Variants in AP1S3 observed in about 807,000 individuals in gnomAD.
The protein encoded by AP1S3 is AP-1 complex subunit sigma-3.
In AP1S3, 10 loss-of-function variants were observed where a neutral mutation model predicts 20.9. The observed-to-expected ratio is 0.48, with a 90% CI of 0.29 to 0.81. AP1S3 has a LOEUF of 0.81. Ranked by LOEUF, AP1S3 falls within the 30% of genes least tolerant of loss-of-function variation. The pLI is 0.08. For missense variants in AP1S3, 154 were observed against 183.8 expected (o/e 0.84, Z 0.94); for synonymous variants, 41 against 61.5 (o/e 0.67, Z 1.56).
intron 1 of AP1S3, among the ~76,000 whole-genome samples, chr2:223,822,692 T>A (rs1020705975): frequency 4.6e-5 from 7 of 151,730 alleles, no homozygotes; most frequent in Non-Finnish European, 8.8e-5. Context: ...CTCAAAAAAA[T>A]AAATAAAGTA....
chr2:223,778,785 C>G (rs113828598), intron 1 of AP1S3, among the ~76,000 whole-genome samples: 2 of 151,804 alleles, frequency 1.3e-5, no homozygotes, highest in Non-Finnish European at 2.9e-5. Flanking sequence ...CAACCTCCCC[C>G]TCCCAGGTTC....
chr2:223,825,029 G>A (rs1054094141), intron 1 of AP1S3, among the ~76,000 whole-genome samples: 3 of 152,022 alleles, frequency 2.0e-5, no homozygotes, highest in African/African-American at 7.2e-5. Flanking sequence ...CAGTTCCTCG[G>A]CCGGGCTCGG....
In AP1S3 at chr2:223,773,687, C is replaced by T. The variant is rs558064872; in HGVS notation, c.291+2214G>A. On this transcript the variant is annotated intron_variant, in intron 3 of 4. Coordinates refer to ENST00000396654, the MANE Select transcript of AP1S3 (RefSeq NM_001039569.2). ...AAGTGTTGCAACAAATCTGATAAAA[C>T]GTGTTCAATATTGCAAATACTGCTC... Among the ~76,000 whole-genome samples the T allele has an allele frequency of 7.2e-5, 11 of 152,036 alleles. No homozygotes were observed. The South Asian group carries it at 1.0e-3, about 14-fold the overall frequency.
chr2:223,774,171 C>T (rs533328623), intron 3 of AP1S3, among the ~76,000 whole-genome samples: 78 of 152,224 alleles, frequency 5.1e-4, no homozygotes, highest in African/African-American at 1.8e-3. Context: ...TCAAGACTAG[C>T]CTGGCCAACA....
intron 1 of AP1S3, among the ~76,000 whole-genome samples, chr2:223,806,896 G>C (rs1691595824): frequency 6.6e-6 from 1 of 151,506 alleles, no homozygotes; most frequent in South Asian, 2.1e-4. Flanking sequence ...CTACATTTCT[G>C]TTTTTTTTCT....
intron 1 of AP1S3, among the ~76,000 whole-genome samples, chr2:223,807,256 G>A (rs1240164420): frequency 1.3e-5 from 2 of 152,134 alleles, no homozygotes; most frequent in Non-Finnish European, 2.9e-5. Flanking sequence ...GACAGAGTAA[G>A]ACCCTGTCTC....
chr2:223,797,983 G>T (rs371695541), intron 1 of AP1S3, among the ~76,000 whole-genome samples: 9 of 152,094 alleles, frequency 5.9e-5, no homozygotes, highest in East Asian at 1.9e-4. Context: ...CCTATTTGAG[G>T]AAGTGGTCCT....
intron 1 of AP1S3, among the ~76,000 whole-genome samples, chr2:223,824,051 G>A (rs941590515): frequency 6.6e-6 from 1 of 152,150 alleles, no homozygotes; most frequent in Admixed American, 6.6e-5. Context: ...GAGCGCAGTG[G>A]TGTGATCATG....
Position 223,775,941 on chromosome 2 carries a change from A to C in AP1S3, c.251T>G (p.Val84Gly). The change falls in exon 3 of 5, where the codon GTG becomes GGG. Residue 84 changes from valine to glycine, a missense_variant. Val to Gly is a moderately radical substitution (Grantham distance 109). Transcript: ENST00000396654. ...QDNELLTLEI[V>G]HRYVELLDKY... ...GTCCAGCAGCTCCACGTAACGATGCACAATCTCTAGCGTCAAGAGCTCATT... is the reference window on the plus strand; with the variant it reads ...GTCCAGCAGCTCCACGTAACGATGCCCAATCTCTAGCGTCAAGAGCTCATT... The C allele has an allele frequency of 6.2e-7, 1 of 1,614,190 alleles. No homozygotes were observed. The highest frequency in any genetic ancestry group is 8.5e-7 in the Non-Finnish European group (1 of 1,180,008).
intron 1 of AP1S3, among the ~76,000 whole-genome samples, chr2:223,797,923 C>G (rs947134308): frequency 6.6e-6 from 1 of 152,220 alleles, no homozygotes; most frequent in African/African-American, 2.4e-5. Flanking sequence ...TAACACTCTA[C>G]AGCTTTGCTT....
chr2:223,784,911 G>A (rs1469297941), intron 1 of AP1S3, among the ~76,000 whole-genome samples: 1 of 151,948 alleles, frequency 6.6e-6, no homozygotes, highest in African/African-American at 2.4e-5. Context: ...AAATATTGAG[G>A]CATTAGATGT....
intron 1 of AP1S3, among the ~76,000 whole-genome samples, chr2:223,835,673 A>G (rs910998442): frequency 6.6e-6 from 1 of 152,172 alleles, no homozygotes; most frequent in Non-Finnish European, 1.5e-5. Flanking sequence ...AAAAATAATA[A>G]TAATGTTTCC....
At chr2:223,775,853 C>A (rs1390081130) in intron 3 of AP1S3, 48 bp downstream of exon 3, 2 of 1,403,730 alleles carry the variant, frequency 1.4e-6, no homozygotes, top group Admixed American at 1.8e-5. Flanking sequence ...GAAGTAAGAG[C>A]TGAGATGGGG....
chr2:223,756,589 A>G lies in AP1S3; in HGVS notation c.*2126T>C, dbSNP rs180787959. The G allele has an allele frequency of 9.1e-6, 9 of 985,460 alleles. No individual in the cohort carries two copies. In the East Asian group the frequency reaches 1.0e-3, roughly 112 times the overall value. The allele number at this position is 985,460 out of a possible 1,614,324, so 61.0% of individuals were successfully genotyped here. A position where few individuals can be genotyped will look rare whatever the true frequency, so the allele number is the denominator to read the frequency against. On this transcript the variant is annotated 3_prime_UTR_variant, in exon 5 of 5. Coordinates refer to ENST00000396654, the MANE Select transcript of AP1S3 (RefSeq NM_001039569.2). Reference sequence around the variant, plus strand: ...ATCATACATGATAAACTTCAAGCTGATGCCATAATTGTAATTACATGGTAA... The same window carrying G: ...ATCATACATGATAAACTTCAAGCTGGTGCCATAATTGTAATTACATGGTAA...
At chr2:223,817,455 A>G (rs895489707) in intron 1 of AP1S3, among the ~76,000 whole-genome samples, 1 of 151,830 alleles carries the variant, frequency 6.6e-6, no homozygotes, top group Non-Finnish European at 1.5e-5. Context: ...CTAAAAATAC[A>G]AAATTAGCCA....
At chr2:223,805,897 T>C (rs1691568023) in intron 1 of AP1S3, among the ~76,000 whole-genome samples, 1 of 152,222 alleles carries the variant, frequency 6.6e-6, no homozygotes, top group South Asian at 2.1e-4. Context: ...AGGCTGAGTA[T>C]ACCAGAAACC....
chr2:223,834,467 G>A (rs1040782701), intron 1 of AP1S3, among the ~76,000 whole-genome samples: 1 of 152,094 alleles, frequency 6.6e-6, no homozygotes, highest in African/African-American at 2.4e-5. Flanking sequence ...GCACACACCT[G>A]TGGTCCCAGC....
chr2:223,792,965 G>GA (rs998670741), intron 1 of AP1S3, among the ~76,000 whole-genome samples: 2 of 151,482 alleles, frequency 1.3e-5, no homozygotes, highest in African/African-American at 4.9e-5. Flanking sequence ...CAACAAACAT[G>GA]AAAAAAAAGC....
chr2:223,837,028 C>T (rs916176831), intron 1 of AP1S3, among the ~76,000 whole-genome samples: 32 of 152,142 alleles, frequency 2.1e-4, no homozygotes, highest in Non-Finnish European at 8.8e-5. Context: ...CTTTACAGCG[C>T]TTCTTACTTT....
Sources: allele counts gnomAD v4.1 joint callset (sites outside exome capture counted in the v4.1 genomes callset), GRCh38; gene constraint gnomAD v4.1.1; transcripts MANE v1.5; gene names NCBI Gene and HGNC (gene_info 2026-07-23, HGNC 2026-07-21).